Variants in TAFA2 observed in about 807,000 individuals in gnomAD.
The protein encoded by TAFA2 is chemokine-like protein TAFA-2.
In TAFA2, 7 loss-of-function variants were observed where a neutral mutation model predicts 18.8. The observed-to-expected ratio is 0.37, with a 90% CI of 0.21 to 0.70. TAFA2 has a LOEUF of 0.70. Ranked by LOEUF, TAFA2 falls within the 30% of genes least tolerant of loss-of-function variation. TAFA2 has a pLI of 0.53. For synonymous variants in TAFA2, 60 were observed against 54.2 expected (o/e 1.11, Z -0.47); for missense variants, 122 against 158.1 (o/e 0.77, Z 1.23).
chr12:61,855,878 A>AC (rs1873861260), intron 2 of TAFA2, among the ~76,000 whole-genome samples: 1 of 152,102 alleles, frequency 6.6e-6, no homozygotes, highest in Admixed American at 6.6e-5. Context: ...TTAGATACTA[A>AC]ATGCTCCTGG....
intron 4 of TAFA2, among the ~76,000 whole-genome samples, chr12:61,727,286 C>A (rs1870211595): frequency 1.3e-5 from 2 of 151,652 alleles, no homozygotes; most frequent in African/African-American, 2.4e-5. Flanking sequence ...GGAATAGTTT[C>A]TGTAGAATTG....
intron 1 of TAFA2, chr12:62,252,157 C>T (rs2062917252): frequency 6.6e-6 from 1 of 152,280 alleles, no homozygotes; most frequent in African/African-American, 2.4e-5. Context: ...TCCAGTCACT[C>T]ATCCTTGAGA....
chr12:61,803,933 G>A (rs1871504411), intron 2 of TAFA2, among the ~76,000 whole-genome samples: 1 of 151,918 alleles, frequency 6.6e-6, no homozygotes, highest in Admixed American at 6.6e-5. Context: ...CACTCCATAT[G>A]TGCCAAGTGT....
At chr12:61,774,385 T>C (rs934397134) in intron 2 of TAFA2, among the ~76,000 whole-genome samples, 1 of 151,930 alleles carries the variant, frequency 6.6e-6, no homozygotes, top group Admixed American at 6.6e-5. Context: ...TGCATGTTTA[T>C]AGCAGCACAA....
intron 1 of TAFA2, among the ~76,000 whole-genome samples, chr12:62,256,966 G>C (rs1326479215): frequency 1.3e-5 from 2 of 152,054 alleles, no homozygotes; most frequent in African/African-American, 4.8e-5. Flanking sequence ...GTAAGAATGA[G>C]GGGGTGGTAG....
At chr12:61,887,696 G>C (rs1164597670) in intron 1 of TAFA2, among the ~76,000 whole-genome samples, 1 of 147,894 alleles carries the variant, frequency 6.8e-6, no homozygotes, top group Non-Finnish European at 1.5e-5. Context: ...TTGGTTTTTT[G>C]TTCTTGCGAT....
chr12:61,935,069 C>T (rs1051414171), intron 1 of TAFA2, among the ~76,000 whole-genome samples: 1 of 152,104 alleles, frequency 6.6e-6, no homozygotes, highest in Non-Finnish European at 1.5e-5. Context: ...GCACCATCAA[C>T]TGAATCAGGA....
At chr12:61,748,695 T>A (rs1868854139) in intron 4 of TAFA2, among the ~76,000 whole-genome samples, 1 of 152,090 alleles carries the variant, frequency 6.6e-6, no homozygotes, top group Non-Finnish European at 1.5e-5. Context: ...CAAGATGCTA[T>A]TTCTTTTCTT....
intron 2 of TAFA2, among the ~76,000 whole-genome samples, chr12:61,862,954 A>G (rs573925504): frequency 7.9e-5 from 12 of 152,346 alleles, no homozygotes; most frequent in Non-Finnish European, 1.5e-4. Context: ...TAAACATTCC[A>G]TGAAAACAAA....
chr12:61,827,296 G>C (rs1336667241), intron 2 of TAFA2: 2 of 152,112 alleles, frequency 1.3e-5, no homozygotes, highest in East Asian at 3.9e-4. Flanking sequence ...TTATGAGAAA[G>C]CAATAACCTT....
In TAFA2 at chr12:61,925,089, AC is replaced by A. The variant is rs962803247; in HGVS notation, c.-1-57664del. On this transcript the variant is annotated intron_variant, in intron 1 of 4. Transcript: ENST00000416284. ...CAGGAGCACCCATATTCAAAAAGCAACCTTTAGACACCTACAAAGACACTTA... is the reference window on the plus strand; with the variant it reads ...CAGGAGCACCCATATTCAAAAAGCAACTTTAGACACCTACAAAGACACTTA... Among the ~76,000 whole-genome samples, 5 of 152,076 alleles carry A rather than the reference AC, an allele frequency of 3.3e-5. No individual in the cohort carries two copies. The East Asian group carries it at 9.6e-4, about 29-fold the overall frequency.
intron 2 of TAFA2, among the ~76,000 whole-genome samples, chr12:61,775,254 A>G (rs1317537902): frequency 6.6e-6 from 1 of 151,888 alleles, no homozygotes; most frequent in Non-Finnish European, 1.5e-5. Flanking sequence ...CGGTAGTTTC[A>G]TACAAAATTA....
chr12:62,047,931 C>CA (rs901809251), intron 1 of TAFA2, among the ~76,000 whole-genome samples: 19 of 151,146 alleles, frequency 1.3e-4, no homozygotes, highest in Admixed American at 9.2e-4. Flanking sequence ...ACAAGAAAAA[C>CA]AAAAAAACAT....
chr12:62,155,778 T>C (rs138991567), intron 1 of TAFA2, among the ~76,000 whole-genome samples: 1,778 of 152,310 alleles, frequency 0.012, 117 homozygotes, highest in Admixed American at 0.096. Flanking sequence ...TCTCTCACCT[T>C]ATACAAAAAT....
chr12:61,880,529 G>T, intron 1 of TAFA2: 1 of 512,350 alleles, frequency 2.0e-6, no homozygotes. Flanking sequence ...GAGCTGGCAA[G>T]AGTCTAGGAT....
intron 1 of TAFA2, among the ~76,000 whole-genome samples, chr12:61,995,081 T>C (rs888110263): frequency 6.6e-6 from 1 of 152,226 alleles, no homozygotes; most frequent in African/African-American, 2.4e-5. Context: ...TACTGTGTCA[T>C]ACTCTCAGAG....
At chr12:62,024,035 T>C (rs1881234075) in intron 1 of TAFA2, among the ~76,000 whole-genome samples, 1 of 152,168 alleles carries the variant, frequency 6.6e-6, no homozygotes. Context: ...TGGAATCGGT[T>C]GCCTTACCTC....
chr12:61,775,854 C>T (rs2120862143), intron 2 of TAFA2: 1 of 158,654 alleles, frequency 6.3e-6, no homozygotes, highest in Non-Finnish European at 1.4e-5. Context: ...TGTTGTGAGC[C>T]TAAAACTACT....
At chr12:62,076,805 C>A (rs1230973717) in intron 1 of TAFA2, among the ~76,000 whole-genome samples, 3 of 152,178 alleles carry the variant, frequency 2.0e-5, no homozygotes, top group Non-Finnish European at 4.4e-5. Context: ...CAAATATCTT[C>A]ATGGGTTCAT....
Sources: allele counts gnomAD v4.1 joint callset (sites outside exome capture counted in the v4.1 genomes callset), GRCh38; gene constraint gnomAD v4.1.1; transcripts MANE v1.5; gene names NCBI Gene and HGNC (gene_info 2026-07-23, HGNC 2026-07-21).